Variants in ZNF407 observed in about 807,000 individuals in gnomAD.
ZNF407 encodes zinc finger protein 407.
In ZNF407, 17 loss-of-function variants were observed where a neutral mutation model predicts 131.2. The ratio of observed to expected loss-of-function variants is 0.13; its 90% CI spans 0.09 to 0.19. ZNF407 has a LOEUF of 0.19. Ranked by LOEUF, ZNF407 falls within the 10% of genes least tolerant of loss-of-function variation. The probability of loss-of-function intolerance (pLI) is 1.00; values close to 1 mark genes in which losing one functional copy is unlikely to be tolerated. For synonymous variants in ZNF407, 1,156 were observed against 1,062.0 expected, an observed-to-expected ratio of 1.09 and a Z score of -1.72; for missense variants, 2,681 against 2,830.6, an observed-to-expected ratio of 0.95 and a Z score of 1.20.
intron 8 of ZNF407, among the ~76,000 whole-genome samples, chr18:74,980,270 T>C (rs57836806): frequency 0.043 from 6,374 of 148,942 alleles, 420 homozygotes; most frequent in African/African-American, 0.14. Flanking sequence ...TTTTTTTTTT[T>C]TCTTTAAAGA....
At position 74,906,900 on chromosome 18, in the gene ZNF407, G is replaced by A. The variant is rs146763182; in HGVS notation, c.5250-13614G>A. Among the ~76,000 whole-genome samples the A allele has an allele frequency of 7.8e-3, 1,193 of 152,160 alleles. 13 individuals carry two copies. Among genetic ancestry groups the A allele is most frequent in the Non-Finnish European group, 0.013 (857 of 68,004 alleles). ...GTGCACACATACTGTATGTGTATAC[G>A]TATATATTTTATAAGTGCCATAGAT... is the stretch of plus-strand genomic sequence containing the variant. On this transcript the variant is annotated intron_variant, in intron 7 of 8. Transcript: ENST00000299687.
chr18:75,022,572 A>T (rs1281286903), intron 8 of ZNF407, among the ~76,000 whole-genome samples: 1 of 152,216 alleles, frequency 6.6e-6, no homozygotes, highest in Non-Finnish European at 1.5e-5. Flanking sequence ...TACGAGTGAA[A>T]TAATGCATGT....
chr18:74,808,165 C>T (rs1195507960), intron 4 of ZNF407, among the ~76,000 whole-genome samples: 1 of 152,158 alleles, frequency 6.6e-6, no homozygotes, highest in Non-Finnish European at 1.5e-5. Flanking sequence ...ATACATGTGC[C>T]ACCACGCTTG....
chr18:74,915,349 T>TGTGTGC (rs1555699558), intron 7 of ZNF407, among the ~76,000 whole-genome samples: 1 of 142,558 alleles, frequency 7.0e-6, no homozygotes, highest in Non-Finnish European at 1.5e-5. Flanking sequence ...TGTGTGTGTG[T>TGTGTGC]GTGCATGTGT....
At chr18:74,793,875 G>C (rs1969870876) in intron 4 of ZNF407, among the ~76,000 whole-genome samples, 4 of 152,178 alleles carry the variant, frequency 2.6e-5, no homozygotes, top group Admixed American at 2.6e-4. Flanking sequence ...ATGAGAGCAA[G>C]TCTTCTCAAA....
intron 4 of ZNF407, among the ~76,000 whole-genome samples, chr18:74,817,424 T>G (rs981409818): frequency 6.6e-6 from 1 of 152,234 alleles, no homozygotes; most frequent in Admixed American, 6.5e-5. Context: ...TCCCCTTGTT[T>G]GCTTTGTGGT....
intron 3 of ZNF407, among the ~76,000 whole-genome samples, chr18:74,652,798 G>A (rs1302412985): frequency 6.6e-6 from 1 of 151,808 alleles, no homozygotes; most frequent in East Asian, 1.9e-4. Context: ...TTTCTCCTTC[G>A]GTAAATTACA....
intron 8 of ZNF407, among the ~76,000 whole-genome samples, chr18:74,983,829 C>T (rs1002991459): frequency 2.0e-5 from 3 of 152,172 alleles, no homozygotes; most frequent in Non-Finnish European, 2.9e-5. Flanking sequence ...GAAAGGAGTC[C>T]CACACCCGTC....
chr18:74,886,210 A>T (rs1167078329), intron 6 of ZNF407, among the ~76,000 whole-genome samples: 1 of 152,226 alleles, frequency 6.6e-6, no homozygotes, highest in Non-Finnish European at 1.5e-5. Flanking sequence ...AAGCACATGG[A>T]AAGATCCTCG....
intron 8 of ZNF407, among the ~76,000 whole-genome samples, chr18:74,949,934 C>T (rs573677879): frequency 2.0e-5 from 3 of 152,318 alleles, no homozygotes; most frequent in South Asian, 2.1e-4. Context: ...AAAAACAATA[C>T]TGATAGATTC....
At chr18:74,691,324 A>G (rs1036367855) in intron 3 of ZNF407, among the ~76,000 whole-genome samples, 2 of 151,778 alleles carry the variant, frequency 1.3e-5, no homozygotes, top group South Asian at 2.1e-4. Context: ...ATTATCTTTT[A>G]TATCTCCAAC....
chr18:74,927,138 T>A (rs1400324216), intron 8 of ZNF407, among the ~76,000 whole-genome samples: 1 of 152,254 alleles, frequency 6.6e-6, no homozygotes, highest in Non-Finnish European at 1.5e-5. Flanking sequence ...TCTACACCAT[T>A]GAATCTTCAA....
Position 74,940,970 on chromosome 18 carries a change from T to C in ZNF407, c.5428+20278T>C, listed in dbSNP as rs1972091562. 3.3e-5 allele frequency among the ~76,000 whole-genome samples: 5 copies of C among 152,172 alleles called. No homozygotes were observed. The South Asian group carries it at 1.0e-3, about 32-fold the overall frequency. On this transcript the variant is annotated intron_variant, in intron 8 of 8. Coordinates refer to ENST00000299687, the MANE Select transcript of ZNF407 (RefSeq NM_017757.3). ...CAATGCACATAAAATGAACTTTCTT[T>C]CTAGACGCTTACACAGACATCCCCT...
chr18:74,999,348 T>TAAAAAAAAAA (rs71170334), intron 8 of ZNF407, among the ~76,000 whole-genome samples: 4 of 60,480 alleles, frequency 6.6e-5, no homozygotes, highest in Admixed American at 1.8e-4. Flanking sequence ...TAGAGTATAA[T>TAAAAAAAAAA]AAAAAAAAAA....
chr18:74,786,179 A>G (rs369132544), intron 4 of ZNF407, among the ~76,000 whole-genome samples: 42 of 152,154 alleles, frequency 2.8e-4, no homozygotes, highest in Non-Finnish European at 5.4e-4. Flanking sequence ...CTTGTTGCAT[A>G]TATTTCATTT....
chr18:74,681,824 T>C (rs1039571951), intron 3 of ZNF407, among the ~76,000 whole-genome samples: 2 of 152,322 alleles, frequency 1.3e-5, no homozygotes, highest in East Asian at 3.9e-4. Context: ...TTGCTTTTTT[T>C]TCCTTTTAGA....
chr18:74,659,355 A>G (rs1335852356), intron 3 of ZNF407, among the ~76,000 whole-genome samples: 2 of 152,168 alleles, frequency 1.3e-5, no homozygotes, highest in Non-Finnish European at 2.9e-5. Flanking sequence ...AAATATATCT[A>G]TTTATGAAAT....
intron 4 of ZNF407, among the ~76,000 whole-genome samples, chr18:74,844,330 C>G (rs890382244): frequency 6.6e-5 from 10 of 152,306 alleles, no homozygotes; most frequent in African/African-American, 2.4e-4. Flanking sequence ...TTGCCTGTGT[C>G]ATAGCATTTC....
intron 3 of ZNF407, among the ~76,000 whole-genome samples, chr18:74,694,499 G>A (rs1967306156): frequency 6.6e-6 from 1 of 150,800 alleles, no homozygotes; most frequent in Admixed American, 6.6e-5. Flanking sequence ...TTAGTATGCA[G>A]CCAAGGATTC....
Sources: allele counts gnomAD v4.1 joint callset (sites outside exome capture counted in the v4.1 genomes callset), GRCh38; gene constraint gnomAD v4.1.1; transcripts MANE v1.5; gene names NCBI Gene and HGNC (gene_info 2026-07-23, HGNC 2026-07-21).